Variants in GPR158 observed in about 807,000 individuals in gnomAD.
GPR158 encodes the protein metabotropic glycine receptor.
In GPR158, 30 loss-of-function variants were observed where a neutral mutation model predicts 78.2. The observed-to-expected ratio is 0.38, with a 90% CI of 0.29 to 0.52. The LOEUF is 0.52. GPR158 is among the 20% of genes least tolerant of loss of function. The pLI is 0.83. For missense variants in GPR158, 1,463 were observed against 1,523.5 expected, an observed-to-expected ratio of 0.96 and a Z score of 0.66; for synonymous variants, 581 against 591.1, an observed-to-expected ratio of 0.98 and a Z score of 0.25.
intron 2 of GPR158, among the ~76,000 whole-genome samples, chr10:25,309,888 C>T (rs1359850701): frequency 6.6e-6 from 1 of 152,190 alleles, no homozygotes; most frequent in Non-Finnish European, 1.5e-5. Context: ...GTCTATTACA[C>T]TTCTTTTCTG....
At chr10:25,547,242 A>T (rs936197447) in intron 5 of GPR158, among the ~76,000 whole-genome samples, 15 of 152,028 alleles carry the variant, frequency 9.9e-5, no homozygotes, top group African/African-American at 3.1e-4. Flanking sequence ...CTGTAGCCGG[A>T]TGGATTCCCT....
intron 4 of GPR158, among the ~76,000 whole-genome samples, chr10:25,449,519 T>C (rs181523921): frequency 1.3e-5 from 2 of 152,314 alleles, no homozygotes; most frequent in East Asian, 3.9e-4. Flanking sequence ...GCACAAAACA[T>C]GGGGAACATC....
At chr10:25,545,884 C>T (rs1384950373) in intron 5 of GPR158, among the ~76,000 whole-genome samples, 2 of 152,254 alleles carry the variant, frequency 1.3e-5, no homozygotes, top group Admixed American at 6.5e-5. Context: ...TAGTTACAAT[C>T]GTTGCCCTCG....
chr10:25,413,321 A>C (rs763887867), intron 4 of GPR158, among the ~76,000 whole-genome samples: 1 of 152,108 alleles, frequency 6.6e-6, no homozygotes, highest in South Asian at 2.1e-4. Context: ...ACAGAGTGAG[A>C]CCCTGCCCTG....
chr10:25,452,511 C>T (rs1341137120), intron 4 of GPR158, among the ~76,000 whole-genome samples: 1 of 152,138 alleles, frequency 6.6e-6, no homozygotes, highest in Non-Finnish European at 1.5e-5. Flanking sequence ...CCCAGCATGT[C>T]ATGGCACTTG....
intron 2 of GPR158, among the ~76,000 whole-genome samples, chr10:25,362,789 A>C (rs1431769558): frequency 6.6e-6 from 1 of 151,880 alleles, no homozygotes; most frequent in Non-Finnish European, 1.5e-5. Context: ...GTTGATTTAT[A>C]TTTTGTAACT....
chr10:25,294,107 A>C (rs575081813), intron 2 of GPR158, among the ~76,000 whole-genome samples: 16 of 152,296 alleles, frequency 1.1e-4, no homozygotes, highest in Admixed American at 1.0e-3. Flanking sequence ...ACTTTCTTTC[A>C]TCTTGCCATT....
intron 5 of GPR158, among the ~76,000 whole-genome samples, chr10:25,501,165 A>T (rs1391510822): frequency 6.6e-6 from 1 of 152,128 alleles, no homozygotes; most frequent in Non-Finnish European, 1.5e-5. Context: ...GAATAGAAAA[A>T]GTCAAAGGCG....
At chr10:25,585,530 T>C (rs146502880) in intron 7 of GPR158, among the ~76,000 whole-genome samples, 4 of 152,332 alleles carry the variant, frequency 2.6e-5, no homozygotes, top group East Asian at 3.9e-4. Flanking sequence ...GAAAATTCAA[T>C]GTAGGTTATA....
chr10:25,256,684 A>C (rs10828768), intron 2 of GPR158, among the ~76,000 whole-genome samples: 30,441 of 151,852 alleles, frequency 0.2, 4,931 homozygotes, highest in African/African-American at 0.44. Flanking sequence ...GACTCTATTC[A>C]CAACAATAAA....
chr10:25,490,404 C>T (rs1835790830), intron 5 of GPR158, among the ~76,000 whole-genome samples: 1 of 141,804 alleles, frequency 7.1e-6, no homozygotes, highest in Admixed American at 7.3e-5. Flanking sequence ...AACTCGTCAT[C>T]TAGTATGAGG....
At chr10:25,352,873 A>T (rs894313367) in intron 2 of GPR158, among the ~76,000 whole-genome samples, 5 of 152,052 alleles carry the variant, frequency 3.3e-5, no homozygotes, top group Non-Finnish European at 7.4e-5. Context: ...ATTTCTTAGT[A>T]TTCAGCATGG....
At chr10:25,230,415 A>C (rs1853432121) in intron 2 of GPR158, among the ~76,000 whole-genome samples, 1 of 152,204 alleles carries the variant, frequency 6.6e-6, no homozygotes, top group African/African-American at 2.4e-5. Context: ...CTTAGCAGAA[A>C]ATACCTAAAA....
intron 2 of GPR158, among the ~76,000 whole-genome samples, chr10:25,258,634 AT>A (rs746800166): frequency 7.3e-4 from 110 of 151,654 alleles, no homozygotes; most frequent in African/African-American, 2.4e-3. Flanking sequence ...ATTCATTGTA[AT>A]TTTTTTTTCC....
At chr10:25,220,206 A>G (rs533940580) in intron 1 of GPR158, among the ~76,000 whole-genome samples, 1 of 152,348 alleles carries the variant, frequency 6.6e-6, no homozygotes, top group African/African-American at 2.4e-5. Context: ...ACTTATTTCA[A>G]TAAAGTCCAT....
intron 2 of GPR158, among the ~76,000 whole-genome samples, chr10:25,232,019 A>G (rs2130696224): frequency 6.6e-6 from 1 of 152,324 alleles, no homozygotes; most frequent in Admixed American, 6.5e-5. Context: ...ATGTGAACTC[A>G]AAGTACCAGA....
At chr10:25,281,137 A>G (rs1485072364) in intron 2 of GPR158, among the ~76,000 whole-genome samples, 5 of 135,114 alleles carry the variant, frequency 3.7e-5, no homozygotes, top group African/African-American at 1.3e-4. Flanking sequence ...CTCTATCTCA[A>G]AAAAAAAAAA....
chr10:25,239,971 C>G (rs1489361905), intron 2 of GPR158, among the ~76,000 whole-genome samples: 2 of 152,160 alleles, frequency 1.3e-5, no homozygotes, highest in Non-Finnish European at 2.9e-5. Flanking sequence ...GTATAGTATG[C>G]AGTTCATGTC....
chr10:25,558,456 A>G (rs530594201), intron 6 of GPR158, among the ~76,000 whole-genome samples: 1 of 152,226 alleles, frequency 6.6e-6, no homozygotes, highest in African/African-American at 2.4e-5. Context: ...CAAAACGGGG[A>G]GGGGCAGGTT....
Sources: allele counts gnomAD v4.1 joint callset (sites outside exome capture counted in the v4.1 genomes callset), GRCh38; gene constraint gnomAD v4.1.1; transcripts MANE v1.5; gene names NCBI Gene and HGNC (gene_info 2026-07-23, HGNC 2026-07-21).